Variants in CIMAP1A observed in about 807,000 individuals in gnomAD.
The protein encoded by CIMAP1A is ciliary microtubule associated protein 1A.
chr11:199,415 A>C, the CIMAP1A span: 1 of 1,574,862 alleles, frequency 6.3e-7, no homozygotes, highest in Admixed American at 1.8e-5. Flanking sequence ...CGGGTGACCA[A>C]GTTCAAGGCT....
At chr11:199,608 G>A in the CIMAP1A span, 35 of 1,462,098 alleles carry the variant, frequency 2.4e-5, no homozygotes, top group South Asian at 1.1e-4. Flanking sequence ...GGACACAGAC[G>A]AGGGGAAACA....
chr11:198,159 C>A, the CIMAP1A span: 1 of 1,599,740 alleles, frequency 6.3e-7, no homozygotes, highest in East Asian at 2.3e-5. Flanking sequence ...GCTGCATACC[C>A]ACCTGCTTGT....
the CIMAP1A span, chr11:199,544 G>T: frequency 6.5e-7 from 1 of 1,544,052 alleles, no homozygotes; most frequent in South Asian, 1.2e-5. Flanking sequence ...GGGTCAGGGT[G>T]GGGCAGGGTC....
chr11:199,405 C>T, the CIMAP1A span: 33 of 1,575,080 alleles, frequency 2.1e-5, no homozygotes, highest in East Asian at 2.6e-4. Flanking sequence ...AACTGATGTG[C>T]GGGTGACCAA....
chr11:197,881 C>T, the CIMAP1A span: 47 of 1,485,688 alleles, frequency 3.2e-5, no homozygotes, highest in Middle Eastern at 1.8e-4. Flanking sequence ...TGGCCCCTCC[C>T]GTCCCATCTT....
chr11:197,919 T>G, the CIMAP1A span: 1 of 1,498,128 alleles, frequency 6.7e-7, no homozygotes, highest in Non-Finnish European at 8.9e-7. Flanking sequence ...CCATCGTGCC[T>G]GGGCAGAGAA....
At chr11:198,667 G>C in the CIMAP1A span, 1 of 1,530,486 alleles carries the variant, frequency 6.5e-7, no homozygotes, top group Admixed American at 2.0e-5. Flanking sequence ...CACCAGTTCG[G>C]CCCTGCCTTG....
the CIMAP1A span, chr11:199,869 C>G: frequency 6.4e-7 from 1 of 1,570,232 alleles, no homozygotes; most frequent in Non-Finnish European, 8.6e-7. Flanking sequence ...GGACAGCAGC[C>G]CAGCCCCAGC....
At chr11:198,641 C>T in the CIMAP1A span, 2 of 1,556,404 alleles carry the variant, frequency 1.3e-6, no homozygotes, top group Non-Finnish European at 1.7e-6. Flanking sequence ...TGAACCCTCC[C>T]CCGGAACCCA....
chr11:197,270 C>T, the CIMAP1A span: 1 of 1,482,710 alleles, frequency 6.7e-7, no homozygotes, highest in Non-Finnish European at 9.2e-7. Flanking sequence ...CCTCCCAGCA[C>T]CTGGTAACCC....
chr11:197,531 C>A, the CIMAP1A span: 1 of 1,608,852 alleles, frequency 6.2e-7, no homozygotes. Flanking sequence ...GGTCAGGCTC[C>A]GGGCTGCTCA....
At chr11:198,347 C>T in the CIMAP1A span, 1 of 1,613,488 alleles carries the variant, frequency 6.2e-7, no homozygotes, top group Non-Finnish European at 8.5e-7. Flanking sequence ...CCTGGGGATC[C>T]TGGGTGGGGT....
the CIMAP1A span, chr11:199,517 A>G: frequency 6.4e-7 from 1 of 1,552,068 alleles, no homozygotes; most frequent in African/African-American, 1.4e-5. Context: ...AAGGTCCAGG[A>G]AGAGCACAGC....
At chr11:199,836 C>T in the CIMAP1A span, 1 of 1,497,102 alleles carries the variant, frequency 6.7e-7, no homozygotes, top group Admixed American at 2.3e-5. Context: ...AGCTTCTGGC[C>T]ACCTTGGCCC....
At chr11:200,186 T>A in the CIMAP1A span, 1 of 651,256 alleles carries the variant, frequency 1.5e-6, no homozygotes, top group Middle Eastern at 2.6e-4. Flanking sequence ...TTACTTTTTT[T>A]CTATGCTATT....
chr11:198,069 G>C, the CIMAP1A span: 8 of 1,546,082 alleles, frequency 5.2e-6, no homozygotes, highest in Non-Finnish European at 7.0e-6. Flanking sequence ...CCCCTGACCC[G>C]ACTTGGTCAC....
chr11:198,562 G>T, the CIMAP1A span: 1 of 1,611,496 alleles, frequency 6.2e-7, no homozygotes, highest in Non-Finnish European at 8.5e-7. Context: ...CAAGCTGGGC[G>T]GCTTCAGCGA....
At chr11:197,813 T>G in the CIMAP1A span, 1 of 1,584,784 alleles carries the variant, frequency 6.3e-7, no homozygotes, top group Non-Finnish European at 8.6e-7. Flanking sequence ...GGCCTGCCCC[T>G]CCCTGCTGGG....
chr11:197,111 A>G, the CIMAP1A span: 4 of 521,646 alleles, frequency 7.7e-6, no homozygotes, highest in Admixed American at 1.3e-4. Context: ...GAGCTCACAG[A>G]CCCATGCAGA....
Sources: allele counts gnomAD v4.1 joint callset, GRCh38; gene constraint gnomAD v4.1.1; transcripts MANE v1.5; gene names NCBI Gene and HGNC (gene_info 2026-07-23, HGNC 2026-07-21).